The following TMEM108 variants were observed in gnomAD, a reference collection of about 807,000 sequenced individuals.
TMEM108 encodes the protein transmembrane protein 108.
Under a neutral mutation model 35.1 loss-of-function variants are expected in TMEM108, and 12 were observed. The observed-to-expected ratio is 0.34, with a 90% CI of 0.22 to 0.55. The LOEUF (loss-of-function observed/expected upper bound fraction) is 0.55. Ranked by LOEUF, TMEM108 falls within the 20% of genes least tolerant of loss-of-function variation. TMEM108 has a pLI of 0.89. For missense variants in TMEM108, 680 were observed against 753.3 expected (o/e 0.90, Z 1.14); for synonymous variants, 287 against 308.6 (o/e 0.93, Z 0.73).
intron 2 of TMEM108, among the ~76,000 whole-genome samples, chr3:133,098,535 T>C (rs1200923643): frequency 6.6e-6 from 1 of 152,064 alleles, no homozygotes; most frequent in African/African-American, 2.4e-5. Flanking sequence ...AACCCAAAAG[T>C]CCACAGTCCA....
At chr3:133,159,096 T>A (rs1944923377) in intron 2 of TMEM108, among the ~76,000 whole-genome samples, 1 of 152,184 alleles carries the variant, frequency 6.6e-6, no homozygotes, top group Non-Finnish European at 1.5e-5. Context: ...ATATTCATTG[T>A]CTCCCCACAT....
intron 3 of TMEM108, among the ~76,000 whole-genome samples, chr3:133,324,981 A>G (rs1217442659): frequency 6.6e-6 from 1 of 152,036 alleles, no homozygotes. Flanking sequence ...ATCTCAGAAA[A>G]AAGAAGAAGA....
intron 3 of TMEM108, among the ~76,000 whole-genome samples, chr3:133,241,391 TC>T (rs1421499417): frequency 6.6e-6 from 1 of 152,194 alleles, no homozygotes; most frequent in Non-Finnish European, 1.5e-5. Flanking sequence ...TCTTTGCTCC[TC>T]CCCTCAGAAG....
intron 2 of TMEM108, among the ~76,000 whole-genome samples, chr3:133,166,916 A>T (rs1290684337): frequency 6.6e-6 from 1 of 152,122 alleles, no homozygotes; most frequent in Non-Finnish European, 1.5e-5. Flanking sequence ...CAGAGAGCTG[A>T]TTGGTCCGTT....
At chr3:133,135,357 G>A (rs1212342311) in intron 2 of TMEM108, among the ~76,000 whole-genome samples, 1 of 152,114 alleles carries the variant, frequency 6.6e-6, no homozygotes, top group Non-Finnish European at 1.5e-5. Flanking sequence ...GCACAGAGAG[G>A]GGAGACTAAC....
intron 2 of TMEM108, among the ~76,000 whole-genome samples, chr3:133,054,352 T>C (rs1020292923): frequency 6.6e-6 from 1 of 152,176 alleles, no homozygotes. Flanking sequence ...GAATTGTATT[T>C]CCCATACAGA....
intron 2 of TMEM108, among the ~76,000 whole-genome samples, chr3:133,141,837 T>C (rs1011622426): frequency 2.6e-5 from 4 of 152,194 alleles, no homozygotes; most frequent in Non-Finnish European, 4.4e-5. Flanking sequence ...TGAAACTTAG[T>C]GCTTGGCCCA....
intron 3 of TMEM108, among the ~76,000 whole-genome samples, chr3:133,292,839 C>G (rs999532951): frequency 1.3e-5 from 2 of 152,154 alleles, no homozygotes; most frequent in African/African-American, 4.8e-5. Flanking sequence ...TGCTTGGCTT[C>G]CAGTTCTATT....
chr3:133,136,702 A>G (rs1944569126), intron 2 of TMEM108, among the ~76,000 whole-genome samples: 1 of 152,214 alleles, frequency 6.6e-6, no homozygotes, highest in African/African-American at 2.4e-5. Context: ...TTGGGTAGGA[A>G]GAGGATCCCG....
intron 3 of TMEM108, among the ~76,000 whole-genome samples, chr3:133,245,245 G>A (rs1404331298): frequency 6.6e-6 from 1 of 152,160 alleles, no homozygotes; most frequent in African/African-American, 2.4e-5. Context: ...TGAGAGAAGA[G>A]GCTTAAGCAT....
At chr3:133,085,411 CAAAG>C (rs1943869247) in intron 2 of TMEM108, among the ~76,000 whole-genome samples, 1 of 150,696 alleles carries the variant, frequency 6.6e-6, no homozygotes, top group Non-Finnish European at 1.5e-5. Flanking sequence ...AGTTTATATA[CAAAG>C]CAAAAATTGA....
chr3:133,187,727 G>A (rs1945440172), intron 2 of TMEM108, among the ~76,000 whole-genome samples: 1 of 152,032 alleles, frequency 6.6e-6, no homozygotes, highest in African/African-American at 2.4e-5. Flanking sequence ...TCCAGCCTGG[G>A]CATCACATCG....
At chr3:133,229,193 A>C in intron 2 of TMEM108, 73 bp from the exon 3 acceptor site, 1 of 981,716 alleles carries the variant, frequency 1.0e-6, no homozygotes, top group South Asian at 1.6e-5. Flanking sequence ...CCAAGATCCT[A>C]TTGAGTGGAG....
chr3:133,207,054 T>C (rs1008529386), intron 2 of TMEM108, among the ~76,000 whole-genome samples: 11 of 152,202 alleles, frequency 7.2e-5, no homozygotes, highest in African/African-American at 2.4e-4. Flanking sequence ...TGCGGAGCTG[T>C]GGTGGGGCTC....
chr3:133,379,134 G>A (rs559275576), intron 3 of TMEM108, among the ~76,000 whole-genome samples: 10 of 152,332 alleles, frequency 6.6e-5, no homozygotes, highest in South Asian at 6.2e-4. Context: ...TGCCCTGTTC[G>A]TTTTTGTGTC....
intron 2 of TMEM108, among the ~76,000 whole-genome samples, chr3:133,208,167 T>G (rs529551023): frequency 1.3e-5 from 2 of 152,294 alleles, no homozygotes; most frequent in East Asian, 3.9e-4. Flanking sequence ...CACAGATTAC[T>G]GGGCCCCACC....
intron 3 of TMEM108, among the ~76,000 whole-genome samples, chr3:133,272,935 CA>C (rs1406340907): frequency 3.3e-5 from 5 of 152,158 alleles, no homozygotes; most frequent in Non-Finnish European, 5.9e-5. Context: ...CTACCAATGA[CA>C]AATCACCCAG....
At chr3:133,214,710 A>AT (rs1256199468) in intron 2 of TMEM108, among the ~76,000 whole-genome samples, 1 of 152,166 alleles carries the variant, frequency 6.6e-6, no homozygotes, top group Non-Finnish European at 1.5e-5. Flanking sequence ...GTACCAGTCC[A>AT]TGGCCTGTTA....
intron 3 of TMEM108, among the ~76,000 whole-genome samples, chr3:133,258,992 T>C (rs1331640828): frequency 6.6e-6 from 1 of 152,230 alleles, no homozygotes; most frequent in Non-Finnish European, 1.5e-5. Context: ...CTTTCATTTT[T>C]CCCTTGGTTT....
Sources: gnomAD v4.1 joint callset for allele counts (sites outside exome capture counted in the v4.1 genomes callset) on GRCh38, gnomAD v4.1.1 for gene constraint, MANE v1.5 for transcripts, NCBI Gene and HGNC (gene_info 2026-07-23, HGNC 2026-07-21) for gene names.